The following ERBB4 variants were observed in gnomAD, a reference collection of about 807,000 sequenced individuals.
The protein encoded by ERBB4 is receptor tyrosine-protein kinase erbB-4.
ERBB4 carries 42 observed loss-of-function variants against 158.0 expected under a neutral mutation model. The ratio of observed to expected loss-of-function variants is 0.27; its 90% CI spans 0.21 to 0.34. The LOEUF (loss-of-function observed/expected upper bound fraction) is 0.34. Among genes scored for constraint, ERBB4 ranks in the 10% least tolerant of loss-of-function variants. The pLI, the probability that ERBB4 is intolerant of heterozygous loss-of-function variation, is 1.00. For synonymous variants in ERBB4, 583 were observed against 558.7 expected (o/e 1.04, Z -0.61); for missense variants, 1,333 against 1,624.1 (o/e 0.82, Z 3.08).
chr2:212,279,103 T>C (rs1347668639), intron 1 of ERBB4, among the ~76,000 whole-genome samples: 1 of 151,624 alleles, frequency 6.6e-6, no homozygotes, highest in East Asian at 1.9e-4. Context: ...CATAATTTGC[T>C]TAATTTTAAA....
At chr2:212,384,517 A>G (rs1454266199) in intron 1 of ERBB4, among the ~76,000 whole-genome samples, 1 of 151,694 alleles carries the variant, frequency 6.6e-6, no homozygotes, top group Admixed American at 6.6e-5. Context: ...CTACTGTGAC[A>G]TTACATTAGC....
At chr2:212,537,991 C>G (rs973873509) in intron 1 of ERBB4, among the ~76,000 whole-genome samples, 3 of 152,138 alleles carry the variant, frequency 2.0e-5, no homozygotes, top group African/African-American at 4.8e-5. Flanking sequence ...ATTTTCTGAG[C>G]GCCGCTCTCC....
chr2:212,368,795 G>A (rs1289324789), intron 1 of ERBB4, among the ~76,000 whole-genome samples: 1 of 152,056 alleles, frequency 6.6e-6, no homozygotes, highest in African/African-American at 2.4e-5. Flanking sequence ...CAATCAGTGG[G>A]AATTATCTTG....
intron 1 of ERBB4, among the ~76,000 whole-genome samples, chr2:212,326,281 C>T (rs1420130155): frequency 2.0e-5 from 3 of 150,684 alleles, no homozygotes; most frequent in East Asian, 1.9e-4. Flanking sequence ...TATTTATATT[C>T]GTATCACTGT....
At position 211,732,933 on chromosome 2, in the gene ERBB4, T is replaced by C. The variant is rs1049105667; in HGVS notation, c.623-7739A>G. The stretch of plus-strand genomic sequence containing the variant: ...CGGAGGTTGCAGTGAGCCAAGATCA[T>C]GCCATTGCACTCCAGCCTGCGTGAC... On this transcript the variant is annotated intron_variant, in intron 5 of 27. Coordinates refer to ENST00000342788, the MANE Select transcript of ERBB4 (RefSeq NM_005235.3). 3.3e-5 allele frequency among the ~76,000 whole-genome samples: 5 copies of C among 152,158 alleles called. No homozygotes were observed. The East Asian group carries it at 5.8e-4, about 18-fold the overall frequency.
At chr2:212,470,747 G>A (rs914284849) in intron 1 of ERBB4, among the ~76,000 whole-genome samples, 7 of 152,024 alleles carry the variant, frequency 4.6e-5, no homozygotes, top group African/African-American at 1.4e-4. Context: ...CAACCCTTTG[G>A]GGGAATATAC....
At chr2:211,791,016 T>G (rs2076268638) in intron 3 of ERBB4, among the ~76,000 whole-genome samples, 1 of 151,950 alleles carries the variant, frequency 6.6e-6, no homozygotes, top group South Asian at 2.1e-4. Flanking sequence ...TTTTGTAACT[T>G]TACATTTTTA....
intron 20 of ERBB4, among the ~76,000 whole-genome samples, chr2:211,473,232 C>G (rs1334162409): frequency 6.6e-6 from 1 of 151,818 alleles, no homozygotes; most frequent in East Asian, 1.9e-4. Context: ...ATTAATGAGG[C>G]CACCAGCCAA....
chr2:212,339,554 G>C (rs1004937572), intron 1 of ERBB4, among the ~76,000 whole-genome samples: 1 of 152,066 alleles, frequency 6.6e-6, no homozygotes. Flanking sequence ...AAAAAGTCAC[G>C]CATCCCACCA....
intron 3 of ERBB4, among the ~76,000 whole-genome samples, chr2:211,903,425 G>T (rs184863084): frequency 2.6e-5 from 4 of 152,116 alleles, no homozygotes; most frequent in East Asian, 3.9e-4. Context: ...AGCAAAATAT[G>T]AAAATCTAAA....
At chr2:212,126,460 CAAAAAAAAA>C (rs10585812) in intron 1 of ERBB4, among the ~76,000 whole-genome samples, 3 of 70,670 alleles carry the variant, frequency 4.2e-5, no homozygotes, top group African/African-American at 1.0e-4. Flanking sequence ...GACTCTGTCT[CAAAAAAAAA>C]AAAAAAAAAA....
intron 2 of ERBB4, among the ~76,000 whole-genome samples, chr2:212,040,763 A>C (rs2077123239): frequency 6.6e-6 from 1 of 152,064 alleles, no homozygotes; most frequent in Non-Finnish European, 1.5e-5. Context: ...GACCTGCTCT[A>C]AGACTGTGGT....
rs542969929 is a variant in ERBB4 at position 212,321,694 on chromosome 2, G to T, written c.83-196791C>A. Among the ~76,000 whole-genome samples the T allele has an allele frequency of 2.0e-4, 30 of 150,408 alleles. 1 individual carries two copies. The highest frequency in any genetic ancestry group is 1.5e-3 in the Admixed American group (23 of 15,070). On this transcript the variant is annotated intron_variant, in intron 1 of 27. Transcript: ENST00000342788. ...AGAGAGCAAGATTCTTTCTCAAAAA[G>T]ATAAAACAAGAAAATAAATAAAACC...
chr2:212,089,144 C>T (rs1455660488), intron 2 of ERBB4, among the ~76,000 whole-genome samples: 1 of 152,030 alleles, frequency 6.6e-6, no homozygotes, highest in Non-Finnish European at 1.5e-5. Context: ...AGACTATATA[C>T]AAATACCAAC....
intron 19 of ERBB4, among the ~76,000 whole-genome samples, chr2:211,570,345 T>TC (rs2067685047): frequency 1.4e-5 from 2 of 145,942 alleles, no homozygotes; most frequent in South Asian, 2.2e-4. Flanking sequence ...TTTTTTTTTC[T>TC]CAGTAGAGAC....
At chr2:212,211,678 C>T (rs915131651) in intron 1 of ERBB4, among the ~76,000 whole-genome samples, 7 of 150,904 alleles carry the variant, frequency 4.6e-5, no homozygotes, top group Admixed American at 4.6e-4. Context: ...TATATGTGTG[C>T]CATGGTGGTT....
At chr2:211,765,395 C>T (rs767757498) in intron 4 of ERBB4, among the ~76,000 whole-genome samples, 16 of 152,130 alleles carry the variant, frequency 1.1e-4, no homozygotes, top group Non-Finnish European at 1.9e-4. Context: ...TTTTTCTCTA[C>T]CTCCTTACAT....
At chr2:211,547,651 C>T (rs768803081) in intron 20 of ERBB4, among the ~76,000 whole-genome samples, 14 of 151,916 alleles carry the variant, frequency 9.2e-5, no homozygotes, top group Non-Finnish European at 1.8e-4. Context: ...AAATCTGCTA[C>T]AATACCAAGC....
At chr2:211,552,673 G>A (rs1290362019) in intron 20 of ERBB4, among the ~76,000 whole-genome samples, 1 of 152,100 alleles carries the variant, frequency 6.6e-6, no homozygotes, top group Non-Finnish European at 1.5e-5. Context: ...GAAGGTTTTA[G>A]GATTTTGAAA....
Sources: gnomAD v4.1 joint callset for allele counts (sites outside exome capture counted in the v4.1 genomes callset) on GRCh38, gnomAD v4.1.1 for gene constraint, MANE v1.5 for transcripts, NCBI Gene and HGNC (gene_info 2026-07-23, HGNC 2026-07-21) for gene names.